ZFAND3: variants seen among roughly 807,000 people sequenced by gnomAD.
ZFAND3 encodes the protein AN1-type zinc finger protein 3.
A neutral mutation model predicts 29.6 loss-of-function variants in ZFAND3; 10 were observed. That is an observed-to-expected ratio of 0.34 (90% confidence interval 0.21 to 0.57). The LOEUF (loss-of-function observed/expected upper bound fraction) is 0.57, where lower values mean the gene tolerates loss of function less well. ZFAND3 is among the 20% of genes least tolerant of loss of function. ZFAND3 has a pLI of 0.86. For synonymous variants in ZFAND3, 128 were observed against 112.6 expected, an observed-to-expected ratio of 1.14 and a Z score of -0.87; for missense variants, 230 against 304.5, an observed-to-expected ratio of 0.76 and a Z score of 1.82.
At chr6:37,891,002 CA>C (rs1382766953) in intron 1 of ZFAND3, among the ~76,000 whole-genome samples, 2 of 152,164 alleles carry the variant, frequency 1.3e-5, no homozygotes, top group South Asian at 4.1e-4. Context: ...TCAAAATAGT[CA>C]AAGCGTTATA....
intron 2 of ZFAND3, among the ~76,000 whole-genome samples, chr6:37,933,118 G>A (rs1405049985): frequency 2.6e-5 from 4 of 152,108 alleles, no homozygotes; most frequent in African/African-American, 9.7e-5. Flanking sequence ...AGATTATTTT[G>A]GCCAAAGCCA....
chr6:37,982,577 G>A (rs1452327878), intron 2 of ZFAND3, among the ~76,000 whole-genome samples: 2 of 152,086 alleles, frequency 1.3e-5, no homozygotes, highest in Non-Finnish European at 2.9e-5. Context: ...CATTACACAT[G>A]TGTTTACGAT....
chr6:38,092,477 A>G lies in ZFAND3; in HGVS notation c.361+10020A>G, dbSNP rs559752861. Reference sequence around the variant, plus strand: ...AAGAACAGGAAGATAGATTATGCCAATCATTAGGAGCAAATATAGTACTAA... The same window carrying G: ...AAGAACAGGAAGATAGATTATGCCAGTCATTAGGAGCAAATATAGTACTAA... On this transcript the variant is annotated intron_variant, in intron 4 of 5. Coordinates refer to ENST00000287218, the MANE Select transcript of ZFAND3 (RefSeq NM_021943.3). Among the ~76,000 whole-genome samples, 5 of 152,352 alleles carry G rather than the reference A, an allele frequency of 3.3e-5. No individual in the cohort carries two copies. In the East Asian group the frequency reaches 5.8e-4, roughly 18 times the overall value.
intron 1 of ZFAND3, among the ~76,000 whole-genome samples, chr6:37,908,614 C>G (rs968347703): frequency 2.4e-4 from 36 of 150,110 alleles, no homozygotes; most frequent in Admixed American, 2.0e-4. Context: ...ATGGAGGTTC[C>G]TGGAGAGTGG....
chr6:37,985,945 T>C (rs553008147), intron 2 of ZFAND3, among the ~76,000 whole-genome samples: 1 of 152,338 alleles, frequency 6.6e-6, no homozygotes, highest in East Asian at 1.9e-4. Context: ...CAAGTCTTTA[T>C]CAAGCACCTC....
intron 2 of ZFAND3, among the ~76,000 whole-genome samples, chr6:37,982,314 T>G (rs1762594269): frequency 6.6e-6 from 1 of 152,078 alleles, no homozygotes; most frequent in African/African-American, 2.4e-5. Context: ...TTAGTGATTT[T>G]GGGGTCCCGA....
intron 4 of ZFAND3, among the ~76,000 whole-genome samples, chr6:38,087,474 G>A (rs972445448): frequency 1.3e-5 from 2 of 152,074 alleles, no homozygotes; most frequent in African/African-American, 2.4e-5. Context: ...TATTTAAGGA[G>A]CTCCAACAAC....
At chr6:38,060,093 C>G (rs1764205149) in intron 2 of ZFAND3, among the ~76,000 whole-genome samples, 1 of 151,988 alleles carries the variant, frequency 6.6e-6, no homozygotes, top group Non-Finnish European at 1.5e-5. Flanking sequence ...TCAACCAAAC[C>G]CAGATTGAAA....
chr6:37,933,270 GT>G (rs1440845179), intron 2 of ZFAND3, among the ~76,000 whole-genome samples: 1 of 152,200 alleles, frequency 6.6e-6, no homozygotes. Context: ...CAAAATCTAT[GT>G]GGTGAAAAAA....
intron 2 of ZFAND3, among the ~76,000 whole-genome samples, chr6:37,961,631 C>G (rs1338893518): frequency 1.3e-5 from 2 of 152,236 alleles, no homozygotes; most frequent in African/African-American, 4.8e-5. Flanking sequence ...GTCAGTCCAT[C>G]CCCATCTCTA....
Position 37,882,196 on chromosome 6 carries a change from T to A in ZFAND3, c.72-47763T>A, listed in dbSNP as rs141212246. Among the ~76,000 whole-genome samples the A allele has an allele frequency of 5.9e-5, 9 of 152,336 alleles. No individual in the cohort carries two copies. In the East Asian group the frequency reaches 1.5e-3, roughly 26 times the overall value. On this transcript the variant is annotated intron_variant, in intron 1 of 5. Coordinates refer to ENST00000287218, the MANE Select transcript of ZFAND3 (RefSeq NM_021943.3). The stretch of plus-strand genomic sequence containing the variant: ...TTGTGTTAGCAAAAGTATTACTCTT[T>A]GTTTGTTTGCCATGTAGGCAGTCCA...
intron 2 of ZFAND3, among the ~76,000 whole-genome samples, chr6:37,954,994 T>G (rs1224429357): frequency 1.3e-5 from 2 of 152,210 alleles, no homozygotes; most frequent in African/African-American, 2.4e-5. Context: ...TCAGGCTCTT[T>G]CCTCACACAG....
chr6:37,938,574 A>T (rs1010119070), intron 2 of ZFAND3, among the ~76,000 whole-genome samples: 2 of 152,122 alleles, frequency 1.3e-5, no homozygotes, highest in Non-Finnish European at 2.9e-5. Context: ...TTTATGGTGT[A>T]GCCTCCCTTA....
At chr6:37,854,767 C>A (rs1301056281) in intron 1 of ZFAND3, among the ~76,000 whole-genome samples, 5 of 48,408 alleles carry the variant, frequency 1.0e-4, no homozygotes, top group Non-Finnish European at 3.0e-4. Context: ...CTAAAATGCC[C>A]CCCCCCCCCT....
intron 2 of ZFAND3, among the ~76,000 whole-genome samples, chr6:37,936,794 T>C (rs923191737): frequency 6.6e-6 from 1 of 152,216 alleles, no homozygotes; most frequent in Non-Finnish European, 1.5e-5. Flanking sequence ...ATTTATACAA[T>C]CTAGAAGTGG....
chr6:37,836,288 T>A (rs189671726), intron 1 of ZFAND3, among the ~76,000 whole-genome samples: 1 of 113,142 alleles, frequency 8.8e-6, no homozygotes, highest in Admixed American at 8.4e-5. Context: ...TTCTTTCATC[T>A]CTTGAAAAAG....
chr6:37,903,766 T>A (rs148852607), intron 1 of ZFAND3, among the ~76,000 whole-genome samples: 3 of 152,242 alleles, frequency 2.0e-5, no homozygotes, highest in Non-Finnish European at 4.4e-5. Context: ...GCTTGCTTTT[T>A]AAAAATTGTT....
At chr6:37,930,452 T>G (rs1233061791) in intron 2 of ZFAND3, among the ~76,000 whole-genome samples, 1 of 152,136 alleles carries the variant, frequency 6.6e-6, no homozygotes, top group Non-Finnish European at 1.5e-5. Flanking sequence ...CCCAGCACTT[T>G]GGGAGGCAGA....
intron 5 of ZFAND3, among the ~76,000 whole-genome samples, chr6:38,144,945 A>G (rs73421892): frequency 2.0e-5 from 3 of 152,352 alleles, no homozygotes; most frequent in African/African-American, 7.2e-5. Context: ...CAGGGGCTCA[A>G]CTTTTGTGAC....
Sources: allele counts gnomAD v4.1 joint callset (sites outside exome capture counted in the v4.1 genomes callset), GRCh38; gene constraint gnomAD v4.1.1; transcripts MANE v1.5; gene names NCBI Gene and HGNC (gene_info 2026-07-23, HGNC 2026-07-21).